Variants in ARHGEF33 observed in about 807,000 individuals in gnomAD.
ARHGEF33 encodes the protein DH and coiled-coil domain-containing protein ENSP00000381780.
In ARHGEF33, 72 loss-of-function variants were observed where a neutral mutation model predicts 101.9. That is an observed-to-expected ratio of 0.71 (90% CI 0.58 to 0.86). The LOEUF (loss-of-function observed/expected upper bound fraction) is 0.86, where lower values mean the gene tolerates loss of function less well. ARHGEF33 is among the 40% of genes least tolerant of loss of function. The probability of loss-of-function intolerance (pLI) is 0.00; values close to 1 mark genes in which losing one functional copy is unlikely to be tolerated. For synonymous variants in ARHGEF33, 499 were observed against 442.5 expected, an observed-to-expected ratio of 1.13 and a Z score of -1.60; for missense variants, 1,169 against 1,111.3, an observed-to-expected ratio of 1.05 and a Z score of -0.74.
chr2:38,954,552 C>T, intron 13 of ARHGEF33, 96 bp downstream of exon 13: 1 of 700,962 alleles, frequency 1.4e-6, no homozygotes, highest in Non-Finnish European at 2.5e-6. Flanking sequence ...CCTCAAGAAT[C>T]ATTAATATTT....
intron 14 of ARHGEF33, among the ~76,000 whole-genome samples, chr2:38,957,741 G>A (rs373353872): frequency 1.0e-3 from 158 of 152,160 alleles, no homozygotes; most frequent in African/African-American, 3.3e-3. Flanking sequence ...TGTGGAAGCC[G>A]CAGACCAGAA....
chr2:38,950,605 A>G (rs1667575148), intron 10 of ARHGEF33, among the ~76,000 whole-genome samples: 1 of 152,166 alleles, frequency 6.6e-6, no homozygotes. Context: ...GCATGCCACC[A>G]TGCCCAGCTA....
intron 7 of ARHGEF33, among the ~76,000 whole-genome samples, chr2:38,931,711 T>C (rs1006606315): frequency 2.6e-5 from 4 of 152,078 alleles, no homozygotes; most frequent in Non-Finnish European, 5.9e-5. Flanking sequence ...TATTAAAAAA[T>C]GGTACCGAAG....
At chr2:38,900,737 G>T (rs1666220450) in intron 2 of ARHGEF33, among the ~76,000 whole-genome samples, 1 of 152,104 alleles carries the variant, frequency 6.6e-6, no homozygotes, top group Admixed American at 6.6e-5. Context: ...AGTGAGATGG[G>T]GTTTCTGAGA....
chr2:38,898,457 C>G (rs913434219), intron 2 of ARHGEF33, among the ~76,000 whole-genome samples: 6 of 152,224 alleles, frequency 3.9e-5, no homozygotes, highest in Non-Finnish European at 5.9e-5. Flanking sequence ...GTCTTCCAGG[C>G]ACTCCAGATG....
chr2:38,903,783 C>T (rs1666301957), intron 2 of ARHGEF33, among the ~76,000 whole-genome samples: 1 of 152,214 alleles, frequency 6.6e-6, no homozygotes, highest in East Asian at 1.9e-4. Context: ...CTCACCCAGT[C>T]TGGATTTTCT....
intron 16 of ARHGEF33, among the ~76,000 whole-genome samples, chr2:38,963,570 T>A (rs1277489125): frequency 6.6e-6 from 1 of 152,232 alleles, no homozygotes; most frequent in African/African-American, 2.4e-5. Flanking sequence ...GAAGATACAA[T>A]TTTTGAGTAG....
At chr2:38,923,874 ATATT>A (rs1397091082) in intron 4 of ARHGEF33, among the ~76,000 whole-genome samples, 1 of 152,244 alleles carries the variant, frequency 6.6e-6, no homozygotes, top group Non-Finnish European at 1.5e-5. Flanking sequence ...AAATAAGTGA[ATATT>A]TATTTTGTCT....
In ARHGEF33 at chr2:38,959,882, G is replaced by T; in HGVS notation, c.1577G>T (p.Ser526Ile). 2 of 1,551,754 alleles carry T rather than the reference G, an allele frequency of 1.3e-6. No homozygotes were observed. Among genetic ancestry groups the T allele is most frequent in the South Asian group, 1.2e-5 (1 of 83,944 alleles). ...PPVKKSQQQQ[S>I]LMESMQPGKP... Reference sequence around the variant, plus strand: ...GTGAAGAAAAGCCAACAGCAGCAAAGCCTGATGGAGAGCATGCAGCCCGGG... The same window carrying T: ...GTGAAGAAAAGCCAACAGCAGCAAATCCTGATGGAGAGCATGCAGCCCGGG... The change falls in exon 16 of 18, where the codon AGC (serine) becomes ATC (isoleucine). Residue 526 changes from serine (S) to isoleucine (I), a missense_variant. Physicochemically the swap from Ser to Ile is moderately radical, Grantham distance 142. Coordinates refer to ENST00000409978, the MANE Select transcript of ARHGEF33 (RefSeq NM_001145451.5).
At chr2:38,957,177 G>C (rs1313332159) in intron 14 of ARHGEF33, 130 bp downstream of exon 14, 3 of 1,162,862 alleles carry the variant, frequency 2.6e-6, no homozygotes, top group Non-Finnish European at 3.7e-6. Context: ...GAGAAGGGGA[G>C]AGAAAGAGCT....
At chr2:38,970,118 GATTA>G (rs1424734525) in intron 17 of ARHGEF33, among the ~76,000 whole-genome samples, 1 of 152,172 alleles carries the variant, frequency 6.6e-6, no homozygotes, top group African/African-American at 2.4e-5. Context: ...GCTTCCAAAT[GATTA>G]ATTCTACTTC....
At chr2:38,921,316 G>C in intron 3 of ARHGEF33, 58 bp from the exon 4 acceptor site, 1 of 1,038,840 alleles carries the variant, frequency 9.6e-7, no homozygotes, top group Non-Finnish European at 1.5e-6. Flanking sequence ...GCATGTATCT[G>C]GAGGGGATAG....
chr2:38,900,715 C>A (rs766251916), intron 2 of ARHGEF33, among the ~76,000 whole-genome samples: 2 of 152,134 alleles, frequency 1.3e-5, no homozygotes, highest in South Asian at 4.2e-4. Context: ...GCAGAGCCGA[C>A]GAGGTGGAGT....
At chr2:38,956,467 C>T (rs538624920) in intron 13 of ARHGEF33, among the ~76,000 whole-genome samples, 6 of 152,310 alleles carry the variant, frequency 3.9e-5, no homozygotes, top group Non-Finnish European at 8.8e-5. Flanking sequence ...TACAGCACAG[C>T]GGGGAATGTA....
intron 12 of ARHGEF33, 116 bp downstream of exon 12, chr2:38,953,361 T>C (rs1212137057): frequency 4.5e-6 from 3 of 667,298 alleles, no homozygotes; most frequent in Non-Finnish European, 8.2e-6. Context: ...GGGAATGGCC[T>C]GAACACAGCC....
In ARHGEF33 at chr2:38,960,502, G is replaced by A. The variant is rs911623465; in HGVS notation, c.2197G>A (p.Gly733Ser). Residue 733 changes from glycine to serine, a missense_variant, in exon 16 of 18, where the codon GGC becomes AGC. Coordinates refer to ENST00000409978, the MANE Select transcript of ARHGEF33 (RefSeq NM_001145451.5). ...PRLYSTRSSS[G>S]GRAPIKAERA... ...CCTCTACAGCACGCGCAGCAGCAGC[G>A]GCGGCCGCGCGCCCATCAAGGCCGA... 6.6e-6 allele frequency: 9 copies of A among 1,354,424 alleles called. No homozygotes were observed. The Admixed American group carries it at 1.1e-4, about 16-fold the overall frequency. 83.9% of individuals were successfully genotyped at this position (1,354,424 alleles called of 1,614,324 possible).
chr2:38,951,929 A>C (rs573361710), intron 11 of ARHGEF33, among the ~76,000 whole-genome samples: 11 of 152,352 alleles, frequency 7.2e-5, no homozygotes, highest in Non-Finnish European at 1.6e-4. Flanking sequence ...ATGGGGCCAG[A>C]CAGTGGCATA....
chr2:38,959,747 C>A (rs938210213), intron 15 of ARHGEF33, 94 bp from the exon 16 acceptor site: 5 of 1,369,304 alleles, frequency 3.7e-6, no homozygotes, highest in Non-Finnish European at 3.9e-6. Context: ...GCACAGGCGC[C>A]TCGGAGCGCG....
rs150942776 is a variant in ARHGEF33, at chr2:38,949,886, G to A, written c.921-1103G>A. On this transcript the variant is annotated intron_variant, in intron 10 of 17. Transcript: ENST00000409978. ...GCAGCAGGAGCAAGACAGAGAGACG[G>A]GAGGCGCTACGCACTTTTAAACAGC... Among the ~76,000 whole-genome samples the A allele has an allele frequency of 1.8e-4, 28 of 152,316 alleles. 1 individual carries two copies. The highest frequency in any genetic ancestry group is 5.5e-4 in the African/African-American group (23 of 41,572).
Sources: allele counts gnomAD v4.1 joint callset (sites outside exome capture counted in the v4.1 genomes callset), GRCh38; gene constraint gnomAD v4.1.1; transcripts MANE v1.5; gene names NCBI Gene and HGNC (gene_info 2026-07-23, HGNC 2026-07-21).